Variants in ANK2 observed in about 807,000 individuals in gnomAD.
The protein encoded by ANK2 is ankyrin 2, also known as ankyrin-2.
A neutral mutation model predicts 360.5 loss-of-function variants in ANK2; 83 were observed. That is an observed-to-expected ratio of 0.23 (90% CI 0.19 to 0.28). ANK2 has a LOEUF of 0.28. Among genes scored for constraint, ANK2 ranks in the 10% least tolerant of loss-of-function variants. The pLI is 1.00. For synonymous variants in ANK2, 1,740 were observed against 1,759.5 expected (o/e 0.99, Z 0.28); for missense variants, 4,201 against 4,795.7 (o/e 0.88, Z 3.66).
intron 1 of ANK2, among the ~76,000 whole-genome samples, chr4:113,108,317 A>G (rs1050388088): frequency 4.6e-5 from 7 of 152,222 alleles, no homozygotes; most frequent in Non-Finnish European, 8.8e-5. Context: ...ATTCAATAGC[A>G]ATATTGTAGA....
chr4:113,371,134 T>C (rs944057709), intron 43 of ANK2, among the ~76,000 whole-genome samples: 1 of 152,174 alleles, frequency 6.6e-6, no homozygotes, highest in Non-Finnish European at 1.5e-5. Flanking sequence ...AACAAAATAA[T>C]TGAAATTTTG....
At chr4:113,245,186 A>G (rs1179041449) in intron 9 of ANK2, among the ~76,000 whole-genome samples, 2 of 152,180 alleles carry the variant, frequency 1.3e-5, no homozygotes, top group Non-Finnish European at 1.5e-5. Flanking sequence ...TAACAGACCT[A>G]TATCCCTCTT....
At chr4:113,258,517 C>A in intron 13 of ANK2, 106 bp downstream of exon 13, 1 of 1,130,812 alleles carries the variant, frequency 8.8e-7, no homozygotes, top group Non-Finnish European at 1.3e-6. Flanking sequence ...AAGTAAGCAA[C>A]CAAGCTTTGA....
rs565389831 is a variant in ANK2, at chr4:113,103,410, A to G, written c.84+53598A>G. ...ATGGCCTTCATGATACAAAAACATCAACTGTTTTAAAAATAGTATTATCTA... is the reference window on the plus strand; with the variant it reads ...ATGGCCTTCATGATACAAAAACATCGACTGTTTTAAAAATAGTATTATCTA... On this transcript the variant is annotated intron_variant, in intron 1 of 45. Transcript: ENST00000357077. Among the ~76,000 whole-genome samples, 6 of 152,294 alleles carry G rather than the reference A, an allele frequency of 3.9e-5. No homozygotes were observed. In the South Asian group the frequency reaches 1.2e-3, roughly 32 times the overall value.
At chr4:113,160,371 A>G in intron 1 of ANK2, 1 of 415,468 alleles carries the variant, frequency 2.4e-6, no homozygotes, top group Non-Finnish European at 4.8e-6. Flanking sequence ...CAGCGGGTAA[A>G]GGAAACTTTG....
At position 113,358,343 on chromosome 4, in the gene ANK2, T is replaced by C. The variant is rs1349686827; in HGVS notation, c.9725T>C (p.Ile3242Thr). The change falls in exon 38 of 46, where the codon ATA (isoleucine) becomes ACA (threonine). Residue 3242 changes from isoleucine to threonine, a missense_variant. By Grantham distance (89) the Ile-to-Thr change is moderately conservative. Around this residue, in one of 4 missense-constraint regions of ANK2, gnomAD observed 2,642 missense variants for 2,714.5 expected, o/e 0.97. Transcript: ENST00000357077. Reference sequence around the variant, plus strand: ...CCTCCTCTCTCTGGTGTAAAGCAGATATCCTGCCCCGACTCTTCTGAACCA... The same window carrying C: ...CCTCCTCTCTCTGGTGTAAAGCAGACATCCTGCCCCGACTCTTCTGAACCA... Reference protein sequence around the residue: ...DIPPLSGVKQISCPDSSEPAV... With the variant: ...DIPPLSGVKQTSCPDSSEPAV... 1.9e-6 allele frequency: 3 copies of C among 1,613,800 alleles called. No individual in the cohort carries two copies. Among genetic ancestry groups the C allele is most frequent in the African/African-American group, 2.7e-5 (2 of 74,920 alleles).
At chr4:113,011,630 T>A (rs1165151534) in intron 2 of ANK2, among the ~76,000 whole-genome samples, 1 of 152,114 alleles carries the variant, frequency 6.6e-6, no homozygotes, top group Non-Finnish European at 1.5e-5. Context: ...TTTCTCTGGG[T>A]CTTGACTCCC....
At chr4:112,837,406 C>T (rs2061225492) in intron 1 of ANK2, among the ~76,000 whole-genome samples, 2 of 152,240 alleles carry the variant, frequency 1.3e-5, no homozygotes, top group African/African-American at 4.8e-5. Context: ...CGAACCTCTG[C>T]TGGGGCAATG....
intron 1 of ANK2, chr4:112,882,093 T>C (rs1174332470): frequency 6.1e-6 from 2 of 330,500 alleles, no homozygotes; most frequent in Non-Finnish European, 1.1e-5. Flanking sequence ...AGCTCAGCCC[T>C]CCCATGAAGA....
intron 2 of ANK2, among the ~76,000 whole-genome samples, chr4:112,921,180 C>T (rs1237325047): frequency 6.6e-6 from 1 of 150,638 alleles, no homozygotes. Context: ...GCGTGTGCCA[C>T]GCCATGCTAA....
chr4:113,282,910 G>T (rs754750265), intron 18 of ANK2, 38 bp downstream of exon 18: 1 of 1,605,832 alleles, frequency 6.2e-7, no homozygotes, highest in Non-Finnish European at 8.5e-7. Flanking sequence ...AGAGTGTTTT[G>T]GATGCATGTA....
intron 1 of ANK2, among the ~76,000 whole-genome samples, chr4:113,095,988 A>T (rs931742478): frequency 6.6e-6 from 1 of 152,212 alleles, no homozygotes; most frequent in Non-Finnish European, 1.5e-5. Context: ...TTGTCTGATT[A>T]GAACCCTTCT....
At chr4:113,041,306 A>G (rs1022081629) in intron 2 of ANK2, among the ~76,000 whole-genome samples, 1 of 151,952 alleles carries the variant, frequency 6.6e-6, no homozygotes. Flanking sequence ...CCCATGCCCC[A>G]CTCTGGTTTA....
At chr4:112,735,252 G>A in the ANK2 span, among the ~76,000 whole-genome samples, 2,191 of 152,162 alleles carry the variant, frequency 0.014, 37 homozygotes, top group East Asian at 0.049. Context: ...GGTCGCTTGA[G>A]CCTGGGAGGC....
intron 2 of ANK2, among the ~76,000 whole-genome samples, chr4:113,032,311 C>T (rs1048863427): frequency 1.1e-4 from 17 of 150,426 alleles, no homozygotes; most frequent in African/African-American, 3.2e-4. Flanking sequence ...TGTTAGATGG[C>T]GTTGTCCCAG....
chr4:113,114,157 A>G (rs569737360), intron 1 of ANK2, among the ~76,000 whole-genome samples: 1 of 152,102 alleles, frequency 6.6e-6, no homozygotes, highest in Non-Finnish European at 1.5e-5. Context: ...GAATAGTAAG[A>G]GCCCTCAATG....
rs543138679 is a variant in ANK2 at position 112,906,332 on chromosome 4, G to T, written c.21+1818G>T. Reference sequence around the variant, plus strand: ...AGAAGCAGGGGTAGAAACCAGACCGGATTAGTTTGAGAAGTAAATAAGAGA... The same window carrying T: ...AGAAGCAGGGGTAGAAACCAGACCGTATTAGTTTGAGAAGTAAATAAGAGA... On this transcript the variant is annotated intron_variant, in intron 2 of 30. Transcript: ENST00000503271. Among the ~76,000 whole-genome samples the T allele has an allele frequency of 1.0e-3, 155 of 152,286 alleles. 1 individual carries two copies. The highest frequency in any genetic ancestry group is 1.9e-3 in the Non-Finnish European group (130 of 68,024).
At chr4:112,725,230 C>G in the ANK2 span, among the ~76,000 whole-genome samples, 6 of 138,976 alleles carry the variant, frequency 4.3e-5, no homozygotes, top group Admixed American at 4.4e-4. Context: ...TGCAGTGAGC[C>G]GAGATTGCGC....
At chr4:112,945,339 T>C (rs965569114) in intron 2 of ANK2, among the ~76,000 whole-genome samples, 1 of 152,216 alleles carries the variant, frequency 6.6e-6, no homozygotes, top group Non-Finnish European at 1.5e-5. Context: ...TACTGGTGAA[T>C]TGCACCTCTC....
Sources: gnomAD v4.1 joint callset for allele counts (sites outside exome capture counted in the v4.1 genomes callset) on GRCh38, gnomAD v4.1.1 for gene constraint, gnomAD v4.1.1 regional missense constraint, MANE v1.5 for transcripts, NCBI Gene and HGNC (gene_info 2026-07-23, HGNC 2026-07-21) for gene names.